Variants in KCNIP1 observed in about 807,000 individuals in gnomAD.
KCNIP1 encodes the protein A-type potassium channel modulatory protein KCNIP1.
Under a neutral mutation model 33.0 loss-of-function variants are expected in KCNIP1, and 18 were observed. The observed-to-expected ratio is 0.55, with a 90% CI of 0.38 to 0.81. KCNIP1 has a LOEUF of 0.81. Among genes scored for constraint, KCNIP1 ranks in the 30% least tolerant of loss-of-function variants. KCNIP1 has a pLI of 0.00. For synonymous variants in KCNIP1, 93 were observed against 98.3 expected (o/e 0.95, Z 0.32); for missense variants, 238 against 271.6 (o/e 0.88, Z 0.87).
At chr5:170,672,835 C>CA (rs1266437986) in intron 1 of KCNIP1, among the ~76,000 whole-genome samples, 7 of 152,354 alleles carry the variant, frequency 4.6e-5, no homozygotes, top group African/African-American at 1.7e-4. Context: ...ACCACTAATT[C>CA]AAAATCTGTG....
At chr5:170,647,585 A>T (rs576002540) in intron 1 of KCNIP1, among the ~76,000 whole-genome samples, 19 of 152,086 alleles carry the variant, frequency 1.2e-4, no homozygotes, top group African/African-American at 4.3e-4. Flanking sequence ...AAAAAAAAAA[A>T]GAGTCCACAC....
At chr5:170,431,973 T>C (rs1755752558) in intron 1 of KCNIP1, among the ~76,000 whole-genome samples, 1 of 152,050 alleles carries the variant, frequency 6.6e-6, no homozygotes, top group African/African-American at 2.4e-5. Flanking sequence ...TTCCATCTCA[T>C]GGTTGAGCTG....
chr5:170,725,992 A>G (rs564585548), intron 5 of KCNIP1, among the ~76,000 whole-genome samples: 2 of 152,330 alleles, frequency 1.3e-5, no homozygotes, highest in African/African-American at 4.8e-5. Flanking sequence ...GGAATGGATT[A>G]TAGACTTAAA....
chr5:170,697,812 C>G (rs1762949678), intron 1 of KCNIP1, among the ~76,000 whole-genome samples: 1 of 152,122 alleles, frequency 6.6e-6, no homozygotes, highest in Admixed American at 6.5e-5. Context: ...TCTGCTTTGG[C>G]CCCCACAGCA....
chr5:170,465,095 G>A (rs1756581334), intron 1 of KCNIP1, among the ~76,000 whole-genome samples: 2 of 152,182 alleles, frequency 1.3e-5, no homozygotes, highest in Admixed American at 1.3e-4. Flanking sequence ...AGGAACATGA[G>A]CACTGGGACA....
chr5:170,686,295 A>T (rs1762535914), intron 1 of KCNIP1, among the ~76,000 whole-genome samples: 1 of 152,172 alleles, frequency 6.6e-6, no homozygotes, highest in Non-Finnish European at 1.5e-5. Context: ...AATAAATGAG[A>T]GAAGAGAGAA....
chr5:170,426,237 T>G (rs544224660), intron 1 of KCNIP1, among the ~76,000 whole-genome samples: 183 of 118,244 alleles, frequency 1.5e-3, no homozygotes, highest in Non-Finnish European at 2.6e-3. Flanking sequence ...GCTTTGTGAC[T>G]CAAAAGGAAT....
chr5:170,644,019 C>T (rs1353038287), intron 1 of KCNIP1, among the ~76,000 whole-genome samples: 1 of 152,236 alleles, frequency 6.6e-6, no homozygotes, highest in Non-Finnish European at 1.5e-5. Flanking sequence ...CTGTAAACCA[C>T]CAGTGCAAAC....
chr5:170,548,319 A>G (rs991291068), intron 1 of KCNIP1, among the ~76,000 whole-genome samples: 16 of 152,196 alleles, frequency 1.1e-4, no homozygotes, highest in African/African-American at 3.6e-4. Flanking sequence ...AGATTCTGCT[A>G]TCTCTTTTTC....
At chr5:170,404,905 G>T (rs1423529969) in intron 1 of KCNIP1, among the ~76,000 whole-genome samples, 1 of 152,070 alleles carries the variant, frequency 6.6e-6, no homozygotes, top group Non-Finnish European at 1.5e-5. Flanking sequence ...ACATTATTTG[G>T]ATAGTAGACA....
intron 1 of KCNIP1, among the ~76,000 whole-genome samples, chr5:170,605,040 A>ACAGCAGTGAAAGGCCTGGG (rs1172241820): frequency 1.3e-5 from 2 of 152,216 alleles, no homozygotes; most frequent in South Asian, 2.1e-4. Flanking sequence ...AGAGTGTGGC[A>ACAGCAGTGAAAGGCCTGGG]CAGCAGTGAA....
intron 1 of KCNIP1, among the ~76,000 whole-genome samples, chr5:170,462,264 C>CAAAAAAAAAAAAAAAAAAAAAACA (rs760686464): frequency 3.8e-5 from 2 of 52,034 alleles, no homozygotes; most frequent in African/African-American, 1.6e-4. Context: ...AACAAATTAG[C>CAAAAAAAAAAAAAAAAAAAAAACA]AAAAAAAAAA....
chr5:170,436,109 G>A (rs1181926974), intron 1 of KCNIP1, among the ~76,000 whole-genome samples: 1 of 152,174 alleles, frequency 6.6e-6, no homozygotes, highest in Non-Finnish European at 1.5e-5. Flanking sequence ...GTGGGGCTGA[G>A]CATTTACCTT....
intron 1 of KCNIP1, among the ~76,000 whole-genome samples, chr5:170,594,458 A>G (rs991823033): frequency 4.3e-4 from 65 of 152,166 alleles, no homozygotes; most frequent in Admixed American, 4.0e-3. Flanking sequence ...GGGTTCCAAG[A>G]CAACTACTCC....
Position 170,535,992 on chromosome 5 carries a change from C to T in KCNIP1, c.61+31359C>T, listed in dbSNP as rs148875261. 3.9e-5 allele frequency among the ~76,000 whole-genome samples: 6 copies of T among 152,302 alleles called. No homozygotes were observed. In the East Asian group the frequency reaches 7.7e-4, roughly 20 times the overall value. ...CATCTGTGAAATGGGATTGATAATACCTACATGGTTGTCTTGAGTTTAGCT... is the reference window on the plus strand; with the variant it reads ...CATCTGTGAAATGGGATTGATAATATCTACATGGTTGTCTTGAGTTTAGCT... On this transcript the variant is annotated intron_variant, in intron 1 of 7. Coordinates refer to ENST00000328939, the MANE Select transcript of KCNIP1 (RefSeq NM_014592.4).
chr5:170,533,452 C>T (rs2113352785), intron 1 of KCNIP1, among the ~76,000 whole-genome samples: 1 of 152,298 alleles, frequency 6.6e-6, no homozygotes, highest in African/African-American at 2.4e-5. Context: ...GAGTAACTTG[C>T]TTGAGGCCAT....
intron 1 of KCNIP1, among the ~76,000 whole-genome samples, chr5:170,628,789 G>A (rs1229968471): frequency 1.3e-5 from 2 of 152,214 alleles, no homozygotes; most frequent in Admixed American, 6.5e-5. Flanking sequence ...TGCTGCACTC[G>A]AGGGCAGCTC....
At chr5:170,565,792 A>ACAAT (rs1757186081) in intron 1 of KCNIP1, among the ~76,000 whole-genome samples, 1 of 152,228 alleles carries the variant, frequency 6.6e-6, no homozygotes, top group Non-Finnish European at 1.5e-5. Flanking sequence ...ATGGAAGGAA[A>ACAAT]CAATGTCTGT....
At chr5:170,573,568 G>A (rs79001572) in intron 1 of KCNIP1, among the ~76,000 whole-genome samples, 4,999 of 152,150 alleles carry the variant, frequency 0.033, 131 homozygotes, top group Non-Finnish European at 0.05. Flanking sequence ...TACAGCCTGT[G>A]AACTAAATCA....
Sources: allele counts gnomAD v4.1 joint callset (sites outside exome capture counted in the v4.1 genomes callset), GRCh38; gene constraint gnomAD v4.1.1; transcripts MANE v1.5; gene names NCBI Gene and HGNC (gene_info 2026-07-23, HGNC 2026-07-21).